Variants in NAV3 observed in about 807,000 individuals in gnomAD.
NAV3 encodes the protein neuron navigator 3, also known as pore membrane and/or filament interacting like protein 1.
Under a neutral mutation model 244.7 loss-of-function variants are expected in NAV3, and 87 were observed. The observed-to-expected ratio is 0.36, with a 90% CI of 0.30 to 0.42. The LOEUF is 0.42. NAV3 is among the 20% of genes least tolerant of loss of function. NAV3 has a pLI of 1.00. For missense variants in NAV3, 2,663 were observed against 2,893.3 expected (o/e 0.92, Z 1.83); for synonymous variants, 1,126 against 1,042.2 (o/e 1.08, Z -1.55).
intron 2 of NAV3, 125 bp downstream of exon 2, chr12:77,940,561 CT>C (rs1889771055): frequency 2.8e-6 from 2 of 705,646 alleles, no homozygotes; most frequent in Non-Finnish European, 2.4e-6. Flanking sequence ...TAGCTCTCCC[CT>C]GATTTAATTA....
At chr12:77,765,636 G>A (rs1438628718) in intron 2 of NAV3, among the ~76,000 whole-genome samples, 1 of 152,178 alleles carries the variant, frequency 6.6e-6, no homozygotes, top group African/African-American at 2.4e-5. Context: ...GGAAGTATTA[G>A]AGAACAACTA....
At chr12:77,650,690 G>C (rs1202466374) in intron 2 of NAV3, among the ~76,000 whole-genome samples, 1 of 152,018 alleles carries the variant, frequency 6.6e-6, no homozygotes, top group Non-Finnish European at 1.5e-5. Context: ...TTTGTAAATA[G>C]ATTTTTGTTT....
intron 1 of NAV3, among the ~76,000 whole-genome samples, chr12:77,896,089 T>C (rs1362080892): frequency 1.3e-5 from 2 of 152,148 alleles, no homozygotes; most frequent in African/African-American, 4.8e-5. Context: ...GATGTATTTT[T>C]AATTTAATCA....
intron 1 of NAV3, among the ~76,000 whole-genome samples, chr12:77,902,693 A>G (rs1284322299): frequency 6.6e-6 from 1 of 152,168 alleles, no homozygotes; most frequent in African/African-American, 2.4e-5. Flanking sequence ...GGAAAAGAGG[A>G]AGTCAAATTG....
chr12:77,734,901 C>T (rs1434457199), intron 2 of NAV3, among the ~76,000 whole-genome samples: 5 of 152,144 alleles, frequency 3.3e-5, no homozygotes, highest in Admixed American at 2.0e-4. Flanking sequence ...TTATTTCCTT[C>T]ATTTGCTTTT....
At chr12:77,638,205 C>A (rs763656951) in intron 2 of NAV3, among the ~76,000 whole-genome samples, 1 of 152,066 alleles carries the variant, frequency 6.6e-6, no homozygotes, top group Non-Finnish European at 1.5e-5. Context: ...TAAATTTTTT[C>A]GAATTGTCAA....
chr12:78,156,234 A>G (rs902523476), intron 22 of NAV3, among the ~76,000 whole-genome samples: 11 of 152,070 alleles, frequency 7.2e-5, no homozygotes, highest in African/African-American at 2.4e-4. Flanking sequence ...TTCTACCAGC[A>G]CCATTTATTA....
At chr12:77,640,027 C>T (rs1191274882) in intron 2 of NAV3, among the ~76,000 whole-genome samples, 2 of 151,972 alleles carry the variant, frequency 1.3e-5, no homozygotes, top group Admixed American at 6.6e-5. Context: ...TCTTTCTGAC[C>T]ATCATCCAAA....
At chr12:78,148,380 A>G (rs545283022) in intron 21 of NAV3, among the ~76,000 whole-genome samples, 1 of 152,096 alleles carries the variant, frequency 6.6e-6, no homozygotes, top group Non-Finnish European at 1.5e-5. Flanking sequence ...TTTTCAAACT[A>G]TGAGAAATTA....
At chr12:78,047,705 G>C (rs1882067912) in intron 9 of NAV3, among the ~76,000 whole-genome samples, 1 of 152,120 alleles carries the variant, frequency 6.6e-6, no homozygotes, top group African/African-American at 2.4e-5. Context: ...TCTTCTCAAA[G>C]AGTATCTTTG....
At chr12:77,996,198 A>G (rs1872321679) in intron 6 of NAV3, among the ~76,000 whole-genome samples, 1 of 152,210 alleles carries the variant, frequency 6.6e-6, no homozygotes, top group South Asian at 2.1e-4. Flanking sequence ...TTTGGAATGA[A>G]CTTTCTAAGT....
intron 23 of NAV3, among the ~76,000 whole-genome samples, chr12:78,164,927 T>C (rs1957716664): frequency 6.6e-6 from 1 of 151,970 alleles, no homozygotes; most frequent in Non-Finnish European, 1.5e-5. Flanking sequence ...AGTGAGAAAT[T>C]TGGAAAGAGA....
At chr12:78,003,570 T>C (rs1009447403) in intron 7 of NAV3, among the ~76,000 whole-genome samples, 3 of 152,240 alleles carry the variant, frequency 2.0e-5, no homozygotes, top group African/African-American at 7.2e-5. Flanking sequence ...TTAAGAATCA[T>C]CTCTATGTCC....
At chr12:77,811,435 C>G (rs1387140507) in intron 2 of NAV3, among the ~76,000 whole-genome samples, 7 of 152,140 alleles carry the variant, frequency 4.6e-5, no homozygotes, top group Non-Finnish European at 1.0e-4. Context: ...CATCAAGTCT[C>G]CGTCAAATTA....
intron 2 of NAV3, among the ~76,000 whole-genome samples, chr12:77,588,485 G>A (rs180824159): frequency 6.6e-6 from 1 of 152,092 alleles, no homozygotes; most frequent in Non-Finnish European, 1.5e-5. Context: ...CACTTAAATT[G>A]AGCTTCTTTT....
chr12:77,873,731 C>G (rs1470339932), intron 1 of NAV3, among the ~76,000 whole-genome samples: 7 of 54,336 alleles, frequency 1.3e-4, no homozygotes, highest in Non-Finnish European at 2.1e-4. Flanking sequence ...TATCTAAATA[C>G]ATATGTGTGT....
At position 78,128,785 on chromosome 12, in the gene NAV3, G is replaced by A. The variant is rs1322281166; in HGVS notation, c.4360G>A (p.Asp1454Asn). Reference protein sequence around the residue: ...LRSHSTGGLQDTGNQSPLVSP... With the variant: ...LRSHSTGGLQNTGNQSPLVSP... ...TTCTCATTCTACTGGAGGGCTTCAG[G>A]ACACTGGCAACCAGTCACCTCTGGT... The change falls in exon 18 of 40, where the codon GAC (aspartate) becomes AAC (asparagine). Residue 1454 changes from aspartate (D) to asparagine (N), a missense_variant. Around this residue, in one of 6 missense-constraint regions of NAV3, gnomAD observed 354 missense variants for 413.0 expected, o/e 0.86. Coordinates refer to ENST00000397909, the MANE Select transcript of NAV3 (RefSeq NM_001024383.2). 2 of 1,613,924 alleles carry A rather than the reference G, an allele frequency of 1.2e-6. No homozygotes were observed. The highest frequency in any genetic ancestry group is 2.7e-5 in the African/African-American group (2 of 74,906).
chr12:78,049,165 T>C (rs1040506185), intron 9 of NAV3, among the ~76,000 whole-genome samples: 2 of 152,046 alleles, frequency 1.3e-5, no homozygotes, highest in Non-Finnish European at 2.9e-5. Context: ...TCCACAGGGG[T>C]GGGATCCACT....
intron 3 of NAV3, among the ~76,000 whole-genome samples, chr12:77,961,149 A>G (rs905895210): frequency 1.4e-5 from 2 of 145,906 alleles, no homozygotes; most frequent in African/African-American, 4.9e-5. Flanking sequence ...ATATTACTAT[A>G]TACATATGTC....
Sources: gnomAD v4.1 joint callset for allele counts (sites outside exome capture counted in the v4.1 genomes callset) on GRCh38, gnomAD v4.1.1 for gene constraint, gnomAD v4.1.1 regional missense constraint, MANE v1.5 for transcripts, NCBI Gene and HGNC (gene_info 2026-07-23, HGNC 2026-07-21) for gene names.